PRKG1: variants seen among roughly 807,000 people sequenced by gnomAD.
PRKG1 encodes protein kinase cGMP-dependent 1.
Under a neutral mutation model 88.1 loss-of-function variants are expected in PRKG1, and 35 were observed. The observed-to-expected ratio is 0.40, with a 90% CI of 0.30 to 0.53. The LOEUF is 0.53. Ranked by LOEUF, PRKG1 falls within the 20% of genes least tolerant of loss-of-function variation. The pLI is 0.59. For missense variants in PRKG1, 540 were observed against 839.8 expected (o/e 0.64, Z 4.41); for synonymous variants, 303 against 292.5 (o/e 1.04, Z -0.37).
At chr10:52,224,808 C>CATATATATATATATATATAAATAT (rs1840343189) in intron 9 of PRKG1, among the ~76,000 whole-genome samples, 1 of 106,370 alleles carries the variant, frequency 9.4e-6, no homozygotes, top group South Asian at 3.8e-4. Context: ...AGTATTCCAT[C>CATATATATATATATATATAAATAT]ATATATATAT....
At chr10:51,280,679 C>G (rs930812657) in intron 2 of PRKG1, among the ~76,000 whole-genome samples, 1 of 152,206 alleles carries the variant, frequency 6.6e-6, no homozygotes, top group Non-Finnish European at 1.5e-5. Context: ...CTTGTGCATT[C>G]GTCAAGTAGT....
intron 1 of PRKG1, among the ~76,000 whole-genome samples, chr10:51,114,437 C>CTGTGTG (rs58190244): frequency 4.6e-4 from 69 of 149,982 alleles, no homozygotes; most frequent in Non-Finnish European, 4.9e-4. Flanking sequence ...ATGAGTGACT[C>CTGTGTG]TGTGTGTGTG....
At chr10:52,022,829 T>A (rs1424704556) in intron 5 of PRKG1, among the ~76,000 whole-genome samples, 1 of 152,206 alleles carries the variant, frequency 6.6e-6, no homozygotes, top group African/African-American at 2.4e-5. Context: ...AAAATCATGT[T>A]ATTTAGGAAT....
At chr10:51,000,698 G>A (rs896445353) in intron 1 of PRKG1, among the ~76,000 whole-genome samples, 3 of 152,138 alleles carry the variant, frequency 2.0e-5, no homozygotes, top group Admixed American at 2.0e-4. Flanking sequence ...TCCATGCTGT[G>A]TAGCTATGTT....
Position 51,469,002 on chromosome 10 carries a change from G to A in PRKG1, c.592+1166G>A, listed in dbSNP as rs551821398. On this transcript the variant is annotated intron_variant, in intron 3 of 17. Transcript: ENST00000373980. Reference sequence around the variant, plus strand: ...TTAGGATGAGTCTTCCTTGGCAGTTGATTCTTGATCTCTGAAAGCATAGGA... The same window carrying A: ...TTAGGATGAGTCTTCCTTGGCAGTTAATTCTTGATCTCTGAAAGCATAGGA... 2.6e-5 allele frequency among the ~76,000 whole-genome samples: 4 copies of A among 151,834 alleles called. No individual in the cohort carries two copies. The East Asian group carries it at 7.7e-4, about 29-fold the overall frequency.
chr10:51,498,324 T>C (rs553933023), intron 3 of PRKG1, among the ~76,000 whole-genome samples: 2 of 152,112 alleles, frequency 1.3e-5, no homozygotes, highest in African/African-American at 4.8e-5. Context: ...AAAAACAACA[T>C]GGAGTAGTTA....
intron 2 of PRKG1, among the ~76,000 whole-genome samples, chr10:51,352,537 A>C (rs1842273392): frequency 6.6e-6 from 1 of 152,172 alleles, no homozygotes; most frequent in African/African-American, 2.4e-5. Context: ...ACAAACAAAG[A>C]AGTGAAAGAT....
chr10:51,149,868 G>A (rs144462128), intron 1 of PRKG1, among the ~76,000 whole-genome samples: 158 of 151,930 alleles, frequency 1.0e-3, no homozygotes, highest in Admixed American at 2.0e-3. Context: ...GGCTTCCTCC[G>A]CTTTTCTCCA....
chr10:51,111,868 C>T (rs1240949904), intron 1 of PRKG1, among the ~76,000 whole-genome samples: 2 of 152,100 alleles, frequency 1.3e-5, no homozygotes, highest in East Asian at 1.9e-4. Context: ...TTTATTTTCT[C>T]CTGATCTAAA....
intron 3 of PRKG1, among the ~76,000 whole-genome samples, chr10:51,759,786 G>A (rs1280355021): frequency 2.6e-5 from 4 of 152,186 alleles, no homozygotes; most frequent in South Asian, 2.1e-4. Flanking sequence ...GTGTGTGTGT[G>A]TGTGTTTGTG....
intron 3 of PRKG1, among the ~76,000 whole-genome samples, chr10:51,554,167 C>T (rs567063364): frequency 4.4e-5 from 6 of 136,442 alleles, no homozygotes; most frequent in African/African-American, 1.1e-4. Context: ...ATTATATGTG[C>T]GTATGTGATA....
chr10:51,286,973 T>G (rs1406944954), intron 2 of PRKG1, among the ~76,000 whole-genome samples: 1 of 151,978 alleles, frequency 6.6e-6, no homozygotes, highest in African/African-American at 2.4e-5. Flanking sequence ...ACTTTTCGGG[T>G]TTAAAGTGAT....
intron 2 of PRKG1, among the ~76,000 whole-genome samples, chr10:51,337,311 G>C (rs1204780837): frequency 6.6e-6 from 1 of 152,080 alleles, no homozygotes; most frequent in East Asian, 1.9e-4. Context: ...AAAAACCCCA[G>C]AAGAAAATCT....
In PRKG1 at chr10:51,237,715, A is replaced by G. The variant is rs556793144; in HGVS notation, c.478+84385A>G. On this transcript the variant is annotated intron_variant, in intron 2 of 17. Transcript: ENST00000373980. ...TGCTTGCCACAGTACCTCCCTAAAT[A>G]TCTATAAAGACAGAAGATTCTGATT... Among the ~76,000 whole-genome samples, 104 of 152,294 alleles carry G rather than the reference A, an allele frequency of 6.8e-4. 1 individual carries two copies. The South Asian group carries it at 0.02, about 29-fold the overall frequency.
intron 2 of PRKG1, among the ~76,000 whole-genome samples, chr10:51,237,714 T>C (rs966491124): frequency 2.0e-5 from 3 of 152,080 alleles, no homozygotes; most frequent in Non-Finnish European, 2.9e-5. Context: ...CCTCCCTAAA[T>C]ATCTATAAAG....
chr10:51,353,806 A>C (rs983387583), intron 2 of PRKG1, among the ~76,000 whole-genome samples: 8 of 152,138 alleles, frequency 5.3e-5, no homozygotes, highest in Admixed American at 2.0e-4. Flanking sequence ...GTGTATACCC[A>C]AAAGAAAGGA....
intron 2 of PRKG1, among the ~76,000 whole-genome samples, chr10:51,349,664 G>A (rs968230701): frequency 1.3e-5 from 2 of 151,854 alleles, no homozygotes; most frequent in African/African-American, 4.8e-5. Context: ...GCACCACCAC[G>A]CCCAGCTAAT....
At chr10:51,320,365 AC>A in intron 2 of PRKG1, 1 of 163,924 alleles carries the variant, frequency 6.1e-6, no homozygotes, top group Non-Finnish European at 1.4e-5. Flanking sequence ...TGGGGAGTTT[AC>A]CCAGCTTAAG....
At chr10:51,136,752 T>A (rs1197361486) in intron 1 of PRKG1, among the ~76,000 whole-genome samples, 1 of 152,184 alleles carries the variant, frequency 6.6e-6, no homozygotes, top group Non-Finnish European at 1.5e-5. Flanking sequence ...TAGTTCTCTA[T>A]GTGTGCCATT....
Sources: allele counts gnomAD v4.1 joint callset (sites outside exome capture counted in the v4.1 genomes callset), GRCh38; gene constraint gnomAD v4.1.1; transcripts MANE v1.5; gene names NCBI Gene and HGNC (gene_info 2026-07-23, HGNC 2026-07-21).